The following SLC12A7 variants were observed in gnomAD, a reference collection of about 807,000 sequenced individuals.
The protein encoded by SLC12A7 is solute carrier family 12 member 7.
In SLC12A7, 100 loss-of-function variants were observed where a neutral mutation model predicts 120.6. The observed-to-expected ratio is 0.83, with a 90% CI of 0.71 to 0.98. SLC12A7 has a LOEUF of 0.98. Ranked by LOEUF, SLC12A7 falls within the 50% of genes least tolerant of loss-of-function variation. The probability of loss-of-function intolerance (pLI) is 0.00; values close to 1 mark genes in which losing one functional copy is unlikely to be tolerated. For synonymous variants in SLC12A7, 760 were observed against 678.0 expected (o/e 1.12, Z -1.88); for missense variants, 1,373 against 1,548.1 (o/e 0.89, Z 1.90).
At chr5:1,138,314 G>C in the SLC12A7 span, among the ~76,000 whole-genome samples, 7 of 152,198 alleles carry the variant, frequency 4.6e-5, no homozygotes, top group Non-Finnish European at 1.5e-5. Context: ...CCCACATCCT[G>C]CTGATTGGTC....
chr5:1,132,457 C>T, the SLC12A7 span, among the ~76,000 whole-genome samples: 1 of 152,078 alleles, frequency 6.6e-6, no homozygotes, highest in East Asian at 1.9e-4. Flanking sequence ...ATGGACTCAC[C>T]TCCAATTCTT....
chr5:1,085,550 C>T (rs1330033520), intron 6 of SLC12A7, 77 bp from the exon 7 acceptor site: 19 of 1,488,002 alleles, frequency 1.3e-5, no homozygotes, highest in Middle Eastern at 1.9e-4. Flanking sequence ...AAGCCCCCAG[C>T]GCCACACAGG....
upstream of SLC12A7, among the ~76,000 whole-genome samples, chr5:1,117,038 G>A (rs376192951): frequency 1.1e-4 from 17 of 152,108 alleles, no homozygotes; most frequent in African/African-American, 2.4e-4. The surrounding 1 kb of genome is among the most constrained non-coding windows in gnomAD (Gnocchi z 4.5). Flanking sequence ...CATGGATGCC[G>A]CCCCCGACCC....
At chr5:1,096,720 GA>G (rs1330342224) in intron 1 of SLC12A7, among the ~76,000 whole-genome samples, 46 of 34,960 alleles carry the variant, frequency 1.3e-3, no homozygotes, top group East Asian at 0.012. Flanking sequence ...AGGGAGGAAG[GA>G]AAGGAGGGAG....
the SLC12A7 span, among the ~76,000 whole-genome samples, chr5:1,148,206 T>TC: frequency 6.4e-5 from 3 of 46,542 alleles, no homozygotes; most frequent in African/African-American, 1.9e-4. Context: ...TCTTTCTTTC[T>TC]TTTTTTTTTT....
the SLC12A7 span, among the ~76,000 whole-genome samples, chr5:1,146,570 C>T: frequency 1.7e-4 from 26 of 152,204 alleles, no homozygotes; most frequent in Non-Finnish European, 3.2e-4. The surrounding 1 kb of genome is among the most constrained non-coding windows in gnomAD (Gnocchi z 6.5). Context: ...CAGGCCACGA[C>T]GGGAAGCGGT....
At chr5:1,086,043 T>C (rs1290448745) in intron 6 of SLC12A7, among the ~76,000 whole-genome samples, 1 of 152,022 alleles carries the variant, frequency 6.6e-6, no homozygotes, top group Non-Finnish European at 1.5e-5. Flanking sequence ...GCAGCAGGCA[T>C]GGAGGGCATG....
the SLC12A7 span, among the ~76,000 whole-genome samples, chr5:1,148,998 A>T: frequency 6.6e-6 from 1 of 152,186 alleles, no homozygotes; most frequent in South Asian, 2.1e-4. Flanking sequence ...CATTTTATGA[A>T]TCCGTTCATC....
In SLC12A7 at chr5:1,073,250, AC is replaced by A. The variant is rs1276115431; in HGVS notation, c.2241+382del. On this transcript the variant is annotated intron_variant, in intron 17 of 23. Coordinates refer to ENST00000264930, the MANE Select transcript of SLC12A7 (RefSeq NM_006598.3). Reference sequence around the variant, plus strand: ...TGAGCCCCCAGCACACGGGCATCACACTTATGCAGCCCCCAGTGAGCCCCCA... The same window carrying A: ...TGAGCCCCCAGCACACGGGCATCACATTATGCAGCCCCCAGTGAGCCCCCA... Among the ~76,000 whole-genome samples the A allele has an allele frequency of 2.3e-4, 17 of 73,468 alleles. 4 individuals carry two copies. The highest frequency in any genetic ancestry group is 1.6e-3 in the African/African-American group (17 of 10,584). 48.2% of individuals were successfully genotyped at this position (73,468 alleles called of 152,430 possible).
Position 1,073,686 on chromosome 5 carries a change from C to T in SLC12A7, c.2188G>A (p.Val730Met). 1 of 1,599,290 alleles carries T rather than the reference C, an allele frequency of 6.3e-7. No individual in the cohort carries two copies. The highest frequency in any genetic ancestry group is 1.7e-5 in the Admixed American group (1 of 58,346). The change falls in exon 17 of 24, where the codon GTG becomes ATG. Residue 730 changes from valine to methionine, a missense_variant. Physicochemically the swap from Val to Met is conservative, Grantham distance 21. Coordinates refer to ENST00000264930, the MANE Select transcript of SLC12A7 (RefSeq NM_006598.3). ...TTGTCCAGGTACGTCCCCTCCAGCACCGAGCCCACGATGGTCAGGCCCTTG... is the reference window on the plus strand; with the variant it reads ...TTGTCCAGGTACGTCCCCTCCAGCATCGAGCCCACGATGGTCAGGCCCTTG... ...AGKGLTIVGS[V>M]LEGTYLDKHM...
At chr5:1,078,931 C>T (rs904199891) in intron 10 of SLC12A7, among the ~76,000 whole-genome samples, 173 bp from the exon 11 acceptor site, 6 of 152,116 alleles carry the variant, frequency 3.9e-5, no homozygotes, top group African/African-American at 1.2e-4. Context: ...TCCTGTCCCC[C>T]GTGTCCTCAG....
chr5:1,062,107 C>T (rs780623631), intron 20 of SLC12A7, among the ~76,000 whole-genome samples: 21 of 152,090 alleles, frequency 1.4e-4, no homozygotes, highest in African/African-American at 3.6e-4. Flanking sequence ...TCCAGGTTCC[C>T]GGACTTCAGA....
chr5:1,054,656 G>A (rs1197749997), intron 22 of SLC12A7, among the ~76,000 whole-genome samples: 1 of 152,246 alleles, frequency 6.6e-6, no homozygotes, highest in African/African-American at 2.4e-5. Context: ...GGACGCAGAG[G>A]GGCGGCGGCG....
rs558744732 is a variant in SLC12A7, at chr5:1,084,600, G to C, written c.917+632C>G. On this transcript the variant is annotated intron_variant, in intron 7 of 23. Transcript: ENST00000264930. ...GGGGGTCTCAGGACGGGTCCCCGAG[G>C]GGGAGGGCAGCTGTGCTTCCCTAAA... Among the ~76,000 whole-genome samples the C allele has an allele frequency of 7.2e-5, 11 of 152,336 alleles. No homozygotes were observed. The South Asian group carries it at 8.3e-4, about 11-fold the overall frequency.
At chr5:1,080,376 G>A (rs977856788) in intron 9 of SLC12A7, among the ~76,000 whole-genome samples, 7 of 152,208 alleles carry the variant, frequency 4.6e-5, no homozygotes, top group East Asian at 1.9e-4. Flanking sequence ...AGGCTGGAGC[G>A]GAGGTACAGG....
In SLC12A7 at chr5:1,053,587, G is replaced by C. The variant is rs968262016; in HGVS notation, c.3027-105C>G. The C allele has an allele frequency of 2.1e-6, 3 of 1,407,098 alleles. No homozygotes were observed. The Admixed American group carries it at 6.3e-5, about 30-fold the overall frequency. 87.2% of individuals were successfully genotyped at this position (1,407,098 alleles called of 1,614,324 possible). ...AGCTGCATTCACACGTGTTGGAAAG[G>C]GCTGTGTGAGTCAGGATCAGGCGGA... On this transcript the variant is annotated intron_variant, in intron 22 of 23. Transcript: ENST00000264930.
At chr5:1,097,955 G>C (rs1032622243) in intron 1 of SLC12A7, among the ~76,000 whole-genome samples, 2 of 152,010 alleles carry the variant, frequency 1.3e-5, no homozygotes, top group African/African-American at 2.4e-5. Flanking sequence ...GTTTCTATCT[G>C]GTTAAAACAG....
chr5:1,112,864 G>A (rs1472251268), upstream of SLC12A7, among the ~76,000 whole-genome samples: 1 of 89,652 alleles, frequency 1.1e-5, no homozygotes, highest in African/African-American at 3.0e-5. Flanking sequence ...TAACCCAGTA[G>A]AGGGAGTCCC....
chr5:1,080,838 C>T (rs1738979934), intron 9 of SLC12A7, among the ~76,000 whole-genome samples: 1 of 152,230 alleles, frequency 6.6e-6, no homozygotes, highest in East Asian at 1.9e-4. Context: ...TTCCCAGCAA[C>T]CCTACAACAG....
Sources: allele counts gnomAD v4.1 joint callset (sites outside exome capture counted in the v4.1 genomes callset), GRCh38; gene constraint gnomAD v4.1.1; non-coding constraint Gnocchi (gnomAD v3.1); transcripts MANE v1.5; gene names NCBI Gene and HGNC (gene_info 2026-07-23, HGNC 2026-07-21).